The following ZNF708 variants were observed in gnomAD, a reference collection of about 807,000 sequenced individuals.
ZNF708 encodes the protein zinc finger protein 708.
A neutral mutation model predicts 47.0 loss-of-function variants in ZNF708; 44 were observed. The observed-to-expected ratio is 0.94, with a 90% CI of 0.74 to 1.20. ZNF708 has a LOEUF of 1.20. Among genes scored for constraint, ZNF708 ranks in the 50% most tolerant of loss-of-function variants. The pLI is 0.00. For synonymous variants in ZNF708, 184 were observed against 218.5 expected, an observed-to-expected ratio of 0.84 and a Z score of 1.39; for missense variants, 557 against 656.0, an observed-to-expected ratio of 0.85 and a Z score of 1.65.
chr19:21,305,730 G>T (rs901442982), intron 3 of ZNF708, among the ~76,000 whole-genome samples: 20 of 151,954 alleles, frequency 1.3e-4, no homozygotes, highest in Non-Finnish European at 2.6e-4. Context: ...CAAAGTGCTG[G>T]GATTACAAGC....
intron 3 of ZNF708, among the ~76,000 whole-genome samples, chr19:21,305,446 TA>T (rs1240916591): frequency 5.9e-5 from 9 of 151,290 alleles, no homozygotes; most frequent in Non-Finnish European, 1.0e-4. Flanking sequence ...AAATATAGTT[TA>T]TTTTTTTATT....
intron 1 of ZNF708, among the ~76,000 whole-genome samples, chr19:21,326,445 CA>C (rs1310647892): frequency 6.6e-6 from 1 of 152,076 alleles, no homozygotes; most frequent in Non-Finnish European, 1.5e-5. Flanking sequence ...TTATTCTAAG[CA>C]AAGTATCTCA....
chr19:21,320,861 G>T (rs538302778), intron 1 of ZNF708, among the ~76,000 whole-genome samples: 2 of 151,946 alleles, frequency 1.3e-5, no homozygotes, highest in East Asian at 3.9e-4. Context: ...AATGCAGAAG[G>T]CTGGGCGCGG....
intron 1 of ZNF708, chr19:21,328,065 A>G: frequency 1.0e-6 from 1 of 981,850 alleles, no homozygotes. Context: ...GACAGTACTG[A>G]AACCCAGGAC....
Position 21,291,672 on chromosome 19 carries a change from C to T in ZNF708, c.*1602G>A, listed in dbSNP as rs1021689982. On this transcript the variant is annotated 3_prime_UTR_variant, in exon 4 of 4. Coordinates refer to ENST00000356929, the MANE Select transcript of ZNF708 (RefSeq NM_021269.3). ...ATGAGGTCAGGAGTTCAAGACTACC[C>T]TGACCAATATGGTGAAACCCCGTCC... is the stretch of plus-strand genomic sequence containing the variant. 4 of 152,104 alleles carry T rather than the reference C, an allele frequency of 2.6e-5. No individual in the cohort carries two copies. Among genetic ancestry groups the T allele is most frequent in the Admixed American group, 2.6e-4 (4 of 15,260 alleles). The allele number at this position is 152,104 out of a possible 1,614,324, so 9.4% of individuals were successfully genotyped here. A position where few individuals can be genotyped will look rare whatever the true frequency, so the allele number is the denominator to read the frequency against.
At chr19:21,314,819 A>G (rs1270532761) in intron 1 of ZNF708, among the ~76,000 whole-genome samples, 1 of 152,188 alleles carries the variant, frequency 6.6e-6, no homozygotes. Flanking sequence ...GAAAAGCAGA[A>G]TTAACCACTC....
Position 21,307,056 on chromosome 19 carries a change from TATAAAATAAAATATAAA to T in ZNF708, c.226+2173_226+2189del, listed in dbSNP as rs1490196538. On this transcript the variant is annotated intron_variant, in intron 3 of 3. Transcript: ENST00000356929. The stretch of plus-strand genomic sequence containing the variant: ...ATACATAAAATAAAATAAAATAAAA[TATAAAATAAAATATAAA>T]ATAAAATAAAATATAAAATACAAAA... The T allele has an allele frequency of 5.2e-3, 469 of 89,802 alleles. 14 individuals are homozygous for T. The East Asian group carries it at 0.11, about 21-fold the overall frequency. The allele number at this position is 89,802 out of a possible 1,614,324, so 5.6% of individuals were successfully genotyped here. A position where few individuals can be genotyped will look rare whatever the true frequency, so the allele number is the denominator to read the frequency against.
At position 21,293,113 on chromosome 19, in the gene ZNF708, A is replaced by C. The variant is rs1972428329; in HGVS notation, c.*161T>G. 2 of 996,326 alleles carry C rather than the reference A, an allele frequency of 2.0e-6. No homozygotes were observed. The highest frequency in any genetic ancestry group is 4.7e-5 in the Admixed American group (2 of 42,838). The allele number at this position is 996,326 out of a possible 1,614,324, so 61.7% of individuals were successfully genotyped here. A position where few individuals can be genotyped will look rare whatever the true frequency, so the allele number is the denominator to read the frequency against. On this transcript the variant is annotated 3_prime_UTR_variant, in exon 4 of 4. Coordinates refer to ENST00000356929, the MANE Select transcript of ZNF708 (RefSeq NM_021269.3). ...TTAAATGCTTTGCCACATTCTTTAC[A>C]TTTGTAGGGTTTCTCTCTAGTATGA...
intron 3 of ZNF708, among the ~76,000 whole-genome samples, chr19:21,307,172 A>AAATAAAATAC (rs971628951): frequency 1.6e-5 from 2 of 126,418 alleles, no homozygotes; most frequent in African/African-American, 5.7e-5. Context: ...AAATAAAATA[A>AAATAAAATAC]AATAAAATAC....
At chr19:21,327,252 G>T (rs908601204) in intron 1 of ZNF708, among the ~76,000 whole-genome samples, 3 of 151,990 alleles carry the variant, frequency 2.0e-5, no homozygotes, top group Non-Finnish European at 2.9e-5. Context: ...TGTCTAGACC[G>T]GGCGCGGTGG....
intron 3 of ZNF708, among the ~76,000 whole-genome samples, chr19:21,296,255 C>A (rs1480211013): frequency 6.6e-6 from 1 of 151,916 alleles, no homozygotes; most frequent in Non-Finnish European, 1.5e-5. Context: ...AATCCCAGCA[C>A]TTTGGAAGGC....
intron 1 of ZNF708, among the ~76,000 whole-genome samples, chr19:21,320,716 C>G (rs950695392): frequency 1.4e-5 from 2 of 140,008 alleles, no homozygotes; most frequent in African/African-American, 5.3e-5. Flanking sequence ...AATAAAAGAT[C>G]TAATAAAAAC....
At chr19:21,305,245 G>A (rs1972736715) in intron 3 of ZNF708, among the ~76,000 whole-genome samples, 1 of 151,722 alleles carries the variant, frequency 6.6e-6, no homozygotes, top group Non-Finnish European at 1.5e-5. Flanking sequence ...TCTTGACCTT[G>A]TGATTCGCTC....
chr19:21,329,336 C>T lies in ZNF708; in HGVS notation c.-124G>A. The T allele has an allele frequency of 6.8e-7, 1 of 1,468,104 alleles. No homozygotes were observed. Among genetic ancestry groups the T allele is most frequent in the Admixed American group, 1.8e-5 (1 of 56,918 alleles). 90.9% of individuals were successfully genotyped at this position (1,468,104 alleles called of 1,614,324 possible). The stretch of plus-strand genomic sequence containing the variant: ...AACAGCAGTGAAGACGAGACCGGAG[C>T]TCCGGCTGCAGCAAGAGACAAAGGC... On this transcript the variant is annotated 5_prime_UTR_variant, in exon 1 of 4. Coordinates refer to ENST00000356929, the MANE Select transcript of ZNF708 (RefSeq NM_021269.3).
At chr19:21,300,036 G>A in intron 3 of ZNF708, among the ~76,000 whole-genome samples, 1 of 152,194 alleles carries the variant, frequency 6.6e-6, no homozygotes, top group East Asian at 1.9e-4. Context: ...GATAGGCTGG[G>A]TGCAGTGGCT....
rs1383790726 is a variant in ZNF708, at chr19:21,293,394, T to C, written c.1572A>G (p.Ile524Met). ...NQSSTLMKHK[I>M]IHTGEKPYKC... ...TGTAGGGTTTCTCTCCAGTATGAAT[T>C]ATCTTATGTTTCATAAGGGTTGAGG... The change falls in exon 4 of 4, where the codon ATA becomes ATG. Residue 524 changes from isoleucine (I) to methionine (M), a missense_variant. By Grantham distance (10) the Ile-to-Met change is conservative (BLOSUM62 1). Coordinates refer to ENST00000356929, the MANE Select transcript of ZNF708 (RefSeq NM_021269.3). The C allele has an allele frequency of 6.2e-7, 1 of 1,613,634 alleles. No individual in the cohort carries two copies. The highest frequency in any genetic ancestry group is 2.2e-5 in the East Asian group (1 of 44,782).
intron 2 of ZNF708, among the ~76,000 whole-genome samples, chr19:21,310,021 C>T (rs1278140990): frequency 2.7e-5 from 4 of 146,574 alleles, no homozygotes; most frequent in African/African-American, 1.0e-4. Context: ...GAAACATCTA[C>T]ACAGATAAAT....
At chr19:21,326,682 A>T (rs1215523909) in intron 1 of ZNF708, among the ~76,000 whole-genome samples, 5 of 152,050 alleles carry the variant, frequency 3.3e-5, no homozygotes, top group Non-Finnish European at 7.4e-5. Flanking sequence ...TATAATCCCA[A>T]CACTTTGGGA....
At chr19:21,309,378 A>G (rs1972851978) in intron 2 of ZNF708, 37 bp from the exon 3 acceptor site, 1 of 1,508,660 alleles carries the variant, frequency 6.6e-7, no homozygotes, top group South Asian at 1.2e-5. Flanking sequence ...AATCTTGCTC[A>G]TATTCTCCAA....
Sources: allele counts gnomAD v4.1 joint callset (sites outside exome capture counted in the v4.1 genomes callset), GRCh38; gene constraint gnomAD v4.1.1; transcripts MANE v1.5; gene names NCBI Gene and HGNC (gene_info 2026-07-23, HGNC 2026-07-21).